Variants in XRCC4 observed in about 807,000 individuals in gnomAD.
XRCC4 encodes X-ray repair cross complementing 4, also known as DNA repair protein XRCC4.
Under a neutral mutation model 39.1 loss-of-function variants are expected in XRCC4, and 28 were observed. That is an observed-to-expected ratio of 0.72 (90% CI 0.53 to 0.98). The LOEUF is 0.98. Among genes scored for constraint, XRCC4 ranks in the 50% least tolerant of loss-of-function variants. XRCC4 has a pLI of 0.00. For synonymous variants in XRCC4, 123 were observed against 126.4 expected, an observed-to-expected ratio of 0.97 and a Z score of 0.18; for missense variants, 350 against 376.4, an observed-to-expected ratio of 0.93 and a Z score of 0.58.
intron 3 of XRCC4, among the ~76,000 whole-genome samples, chr5:83,134,452 C>T (rs528574904): frequency 2.0e-5 from 3 of 152,164 alleles, no homozygotes; most frequent in Non-Finnish European, 4.4e-5. Context: ...TGTAAATGCA[C>T]CAGTCAGCCC....
At chr5:83,142,999 G>A (rs1369944499) in intron 3 of XRCC4, among the ~76,000 whole-genome samples, 3 of 152,056 alleles carry the variant, frequency 2.0e-5, no homozygotes, top group African/African-American at 7.2e-5. Flanking sequence ...TGAATATATA[G>A]GTGTTCCTTT....
chr5:83,135,372 C>G (rs1476074000), intron 3 of XRCC4, among the ~76,000 whole-genome samples: 2 of 150,642 alleles, frequency 1.3e-5, no homozygotes, highest in African/African-American at 4.9e-5. Flanking sequence ...CCTTATCTTT[C>G]TTATCTAAGG....
intron 3 of XRCC4, among the ~76,000 whole-genome samples, chr5:83,146,742 G>A (rs76498977): frequency 0.016 from 2,375 of 152,196 alleles, 60 homozygotes; most frequent in African/African-American, 0.053. Flanking sequence ...ACAAACAAAT[G>A]TCAACTATCA....
the XRCC4 span, among the ~76,000 whole-genome samples, chr5:83,370,813 T>A: frequency 6.6e-6 from 1 of 152,152 alleles, no homozygotes; most frequent in African/African-American, 2.4e-5. Context: ...AAAATTACCA[T>A]CATGTGTTAC....
At chr5:83,321,126 G>A (rs980932869) in intron 7 of XRCC4, among the ~76,000 whole-genome samples, 1 of 152,052 alleles carries the variant, frequency 6.6e-6, no homozygotes, top group Non-Finnish European at 1.5e-5. Flanking sequence ...ACATAATGCT[G>A]TTGCACACTT....
At chr5:83,195,617 T>A (rs1750902880) in intron 3 of XRCC4, among the ~76,000 whole-genome samples, 153 bp from the exon 4 acceptor site, 1 of 152,134 alleles carries the variant, frequency 6.6e-6, no homozygotes, top group African/African-American at 2.4e-5. Context: ...AGAAGCCCAG[T>A]TTTTTTGCTC....
At chr5:83,350,793 G>A (rs1218442109) in intron 7 of XRCC4, among the ~76,000 whole-genome samples, 1 of 152,014 alleles carries the variant, frequency 6.6e-6, no homozygotes, top group Non-Finnish European at 1.5e-5. Flanking sequence ...GTCAATTTTT[G>A]TTTTTGTTGC....
chr5:83,322,368 T>C (rs1051459902), intron 7 of XRCC4, among the ~76,000 whole-genome samples: 5 of 152,100 alleles, frequency 3.3e-5, no homozygotes, highest in Admixed American at 3.3e-4. Flanking sequence ...AAATTATTTA[T>C]GTTTTTATCC....
chr5:83,087,428 C>T (rs887634129), intron 1 of XRCC4, among the ~76,000 whole-genome samples: 2 of 151,966 alleles, frequency 1.3e-5, no homozygotes, highest in Non-Finnish European at 2.9e-5. Flanking sequence ...TTTGGGAGGC[C>T]GAGGCAGGTA....
At chr5:83,082,258 G>T (rs1273845352) in intron 1 of XRCC4, among the ~76,000 whole-genome samples, 2 of 152,050 alleles carry the variant, frequency 1.3e-5, no homozygotes, top group African/African-American at 4.8e-5. Flanking sequence ...AAAAAATTGT[G>T]TATTTACATG....
intron 1 of XRCC4, among the ~76,000 whole-genome samples, chr5:83,087,724 T>C (rs377362644): frequency 6.6e-6 from 1 of 152,236 alleles, no homozygotes; most frequent in East Asian, 1.9e-4. Context: ...AAGCAAGATG[T>C]CATACTAAAA....
intron 7 of XRCC4, among the ~76,000 whole-genome samples, chr5:83,279,591 GC>G (rs940315089): frequency 8.5e-5 from 13 of 152,298 alleles, no homozygotes; most frequent in African/African-American, 3.1e-4. Flanking sequence ...TGATATGGTT[GC>G]TGTAATATAT....
At chr5:83,217,985 T>C (rs1271098235) in intron 6 of XRCC4, among the ~76,000 whole-genome samples, 2 of 151,874 alleles carry the variant, frequency 1.3e-5, no homozygotes, top group Non-Finnish European at 2.9e-5. Context: ...GTGGGCAAAA[T>C]ATATATGAGA....
chr5:83,232,764 TG>T, intron 6 of XRCC4, among the ~76,000 whole-genome samples: 1 of 152,142 alleles, frequency 6.6e-6, no homozygotes. Context: ...AAAAAAATAA[TG>T]GGAAAGTGAA....
chr5:83,244,964 A>G (rs1172769793), intron 6 of XRCC4, among the ~76,000 whole-genome samples: 1 of 152,198 alleles, frequency 6.6e-6, no homozygotes, highest in Non-Finnish European at 1.5e-5. Flanking sequence ...TACTAATAAT[A>G]CTGCTGTTTT....
intron 7 of XRCC4, among the ~76,000 whole-genome samples, chr5:83,308,825 A>G (rs1365502452): frequency 2.6e-5 from 4 of 152,068 alleles, no homozygotes; most frequent in Non-Finnish European, 4.4e-5. Flanking sequence ...TGTCCTATTT[A>G]GTCTCAATTC....
chr5:83,187,786 C>T (rs1312637949), intron 3 of XRCC4, among the ~76,000 whole-genome samples: 2 of 152,134 alleles, frequency 1.3e-5, no homozygotes, highest in Admixed American at 6.5e-5. Flanking sequence ...AGTACAGCAA[C>T]CATTAGCTAT....
intron 7 of XRCC4, among the ~76,000 whole-genome samples, chr5:83,262,331 C>T (rs1018407793): frequency 5.3e-5 from 8 of 151,976 alleles, no homozygotes; most frequent in African/African-American, 1.2e-4. Context: ...TTGTGCAGAG[C>T]GAAGGGAGTA....
chr5:83,343,980 C>T (rs1274187799), intron 7 of XRCC4, among the ~76,000 whole-genome samples: 1 of 152,132 alleles, frequency 6.6e-6, no homozygotes, highest in Non-Finnish European at 1.5e-5. Context: ...ATGTCACCAT[C>T]TTCACAATAG....
Sources: gnomAD v4.1 joint callset for allele counts (sites outside exome capture counted in the v4.1 genomes callset) on GRCh38, gnomAD v4.1.1 for gene constraint, MANE v1.5 for transcripts, NCBI Gene and HGNC (gene_info 2026-07-23, HGNC 2026-07-21) for gene names.